The following METTL25 variants were observed in gnomAD, a reference collection of about 807,000 sequenced individuals.
The protein encoded by METTL25 is probable methyltransferase-like protein 25.
METTL25 carries 64 observed loss-of-function variants against 71.6 expected under a neutral mutation model. That is an observed-to-expected ratio of 0.89 (90% confidence interval 0.73 to 1.10). The LOEUF (loss-of-function observed/expected upper bound fraction) is 1.10. METTL25 is among the 50% of genes least tolerant of loss of function. The pLI, the probability that METTL25 is intolerant of heterozygous loss-of-function variation, is 0.00. For synonymous variants in METTL25, 287 were observed against 250.3 expected (o/e 1.15, Z -1.38); for missense variants, 807 against 707.0 (o/e 1.14, Z -1.60).
intron 5 of METTL25, among the ~76,000 whole-genome samples, chr12:82,427,456 A>G (rs1046159975): frequency 1.3e-5 from 2 of 151,822 alleles, no homozygotes; most frequent in African/African-American, 4.8e-5. Context: ...TATTTTTCAT[A>G]TATGCTGTAC....
chr12:82,412,552 C>T (rs989256640), intron 5 of METTL25, among the ~76,000 whole-genome samples: 3 of 152,090 alleles, frequency 2.0e-5, no homozygotes, highest in Admixed American at 2.0e-4. Flanking sequence ...CCAGCTTTTC[C>T]ATTCCACTGG....
At chr12:82,433,324 T>C (rs1889666818) in intron 6 of METTL25, among the ~76,000 whole-genome samples, 1 of 151,356 alleles carries the variant, frequency 6.6e-6, no homozygotes, top group African/African-American at 2.4e-5. Flanking sequence ...GCACAAGGAG[T>C]ACCATAAATG....
intron 8 of METTL25, among the ~76,000 whole-genome samples, chr12:82,450,856 G>T (rs1338006843): frequency 6.6e-6 from 1 of 151,990 alleles, no homozygotes; most frequent in African/African-American, 2.4e-5. Flanking sequence ...TCTTTCTTCA[G>T]GTCTTTTATT....
intron 7 of METTL25, 117 bp from the exon 8 acceptor site, chr12:82,438,601 C>G (rs1890096009): frequency 4.7e-6 from 2 of 427,302 alleles, no homozygotes; most frequent in Non-Finnish European, 7.7e-6. Context: ...ATTAAGTCAT[C>G]CTCTGTGTTT....
chr12:82,418,807 G>A (rs1293957510), intron 5 of METTL25, among the ~76,000 whole-genome samples: 1 of 152,068 alleles, frequency 6.6e-6, no homozygotes, highest in Admixed American at 6.6e-5. Context: ...AAGAAAATTA[G>A]GGAAGCTGTG....
intron 1 of METTL25, among the ~76,000 whole-genome samples, chr12:82,373,248 G>A (rs991558941): frequency 6.6e-6 from 1 of 152,162 alleles, no homozygotes; most frequent in African/African-American, 2.4e-5. Flanking sequence ...TTGGAAGAGT[G>A]ACACCTTTTG....
At chr12:82,406,243 C>T (rs1887078813) in intron 5 of METTL25, among the ~76,000 whole-genome samples, 1 of 152,032 alleles carries the variant, frequency 6.6e-6, no homozygotes, top group African/African-American at 2.4e-5. Context: ...ACCAGATAAT[C>T]CTTATTAGTA....
rs557730436 is a variant in METTL25 at position 82,381,303 on chromosome 12, T to C, written c.260-5500T>C. ...GTGGTTACATTTTTCTATTTTTACATTTAATTTCATTTTTATAAGTAATGT... is the reference window on the plus strand; with the variant it reads ...GTGGTTACATTTTTCTATTTTTACACTTAATTTCATTTTTATAAGTAATGT... On this transcript the variant is annotated intron_variant, in intron 1 of 11. Coordinates refer to ENST00000248306, the MANE Select transcript of METTL25 (RefSeq NM_032230.3). 4.6e-5 allele frequency among the ~76,000 whole-genome samples: 7 copies of C among 152,342 alleles called. No individual in the cohort carries two copies. The East Asian group carries it at 1.2e-3, about 25-fold the overall frequency.
chr12:82,363,538 TAAA>T (rs1323009540), intron 1 of METTL25, among the ~76,000 whole-genome samples: 3 of 151,982 alleles, frequency 2.0e-5, no homozygotes, highest in Non-Finnish European at 4.4e-5. Context: ...AGTGGGTAAA[TAAA>T]AAGCAACTAA....
chr12:82,477,701 T>G (rs971334435), intron 11 of METTL25, among the ~76,000 whole-genome samples: 1 of 151,780 alleles, frequency 6.6e-6, no homozygotes, highest in African/African-American at 2.4e-5. Context: ...TTGTAAGAAT[T>G]TGTCTTTTAA....
chr12:82,397,703 T>G (rs1310661332), intron 3 of METTL25, among the ~76,000 whole-genome samples: 1 of 152,082 alleles, frequency 6.6e-6, no homozygotes, highest in Non-Finnish European at 1.5e-5. Flanking sequence ...ACCTATCTTC[T>G]TCATTAAATT....
chr12:82,444,681 C>CT (rs1290691348), intron 8 of METTL25, among the ~76,000 whole-genome samples: 2 of 151,896 alleles, frequency 1.3e-5, no homozygotes, highest in Non-Finnish European at 2.9e-5. Flanking sequence ...GTTTTTTTAG[C>CT]TTTTTTATAG....
At chr12:82,447,588 G>A (rs1592740245) in intron 8 of METTL25, among the ~76,000 whole-genome samples, 2 of 150,100 alleles carry the variant, frequency 1.3e-5, no homozygotes, top group African/African-American at 4.8e-5. Context: ...AACAACATAA[G>A]TAAGGTAAAC....
intron 5 of METTL25, 139 bp downstream of exon 5, chr12:82,403,269 A>C: frequency 1.3e-6 from 1 of 746,442 alleles, no homozygotes; most frequent in South Asian, 2.1e-5. Flanking sequence ...ACTTACTTGC[A>C]CTTTTAGTGT....
intron 5 of METTL25, among the ~76,000 whole-genome samples, chr12:82,409,212 T>G (rs1447371371): frequency 6.6e-6 from 1 of 152,164 alleles, no homozygotes; most frequent in Non-Finnish European, 1.5e-5. Flanking sequence ...TTGTGAATAC[T>G]GAATTTATAC....
At chr12:82,450,629 G>GT (rs1029924041) in intron 8 of METTL25, among the ~76,000 whole-genome samples, 3 of 152,080 alleles carry the variant, frequency 2.0e-5, no homozygotes, top group Non-Finnish European at 2.9e-5. Flanking sequence ...TAAAGCTAAT[G>GT]TTTTTCCTGT....
Position 82,386,793 on chromosome 12 carries a change from A to G in METTL25, c.260-10A>G, listed in dbSNP as rs368053557. On this transcript the variant is annotated splice_polypyrimidine_tract_variant and intron_variant, in intron 1 of 11. Coordinates refer to ENST00000248306, the MANE Select transcript of METTL25 (RefSeq NM_032230.3). Reference sequence around the variant, plus strand: ...ATTGCTGAAGACTTTTTCTGTCTTCACTTTTTTAGGTATGACTGATTTTCC... The same window carrying G: ...ATTGCTGAAGACTTTTTCTGTCTTCGCTTTTTTAGGTATGACTGATTTTCC... 7 of 1,610,202 alleles carry G rather than the reference A, an allele frequency of 4.3e-6. No individual in the cohort carries two copies. The highest frequency in any genetic ancestry group is 5.9e-6 in the Non-Finnish European group (7 of 1,177,842).
At chr12:82,425,644 A>G (rs1011808850) in intron 5 of METTL25, among the ~76,000 whole-genome samples, 20 of 152,054 alleles carry the variant, frequency 1.3e-4, no homozygotes, top group Admixed American at 1.2e-3. Flanking sequence ...GAAAGATAAT[A>G]TTGCTCTTAG....
At chr12:82,391,279 A>G (rs940965393) in intron 3 of METTL25, among the ~76,000 whole-genome samples, 5 of 152,110 alleles carry the variant, frequency 3.3e-5, no homozygotes, top group South Asian at 2.1e-4. Flanking sequence ...AAGCAGAAGC[A>G]GGAAAATATA....
Sources: gnomAD v4.1 joint callset for allele counts (sites outside exome capture counted in the v4.1 genomes callset) on GRCh38, gnomAD v4.1.1 for gene constraint, MANE v1.5 for transcripts, NCBI Gene and HGNC (gene_info 2026-07-23, HGNC 2026-07-21) for gene names.